BTG4: variants seen among roughly 807,000 people sequenced by gnomAD.
BTG4 encodes the protein protein BTG4.
In BTG4, 10 loss-of-function variants were observed where a neutral mutation model predicts 19.3. The observed-to-expected ratio is 0.52, with a 90% CI of 0.32 to 0.88. BTG4 has a LOEUF of 0.88. Ranked by LOEUF, BTG4 falls within the 40% of genes least tolerant of loss-of-function variation. The pLI, the probability that BTG4 is intolerant of heterozygous loss-of-function variation, is 0.04. For synonymous variants in BTG4, 91 were observed against 95.7 expected (o/e 0.95, Z 0.29); for missense variants, 238 against 281.9 (o/e 0.84, Z 1.11).
downstream of BTG4, among the ~76,000 whole-genome samples, chr11:111,493,004 G>T (rs1053563254): frequency 2.4e-4 from 36 of 152,064 alleles, 1 homozygote; most frequent in Admixed American, 7.2e-4. Context: ...AAATTACCCG[G>T]GCATGGGGGC....
At chr11:111,455,850 C>T in the BTG4 span, 17 of 455,730 alleles carry the variant, frequency 3.7e-5, no homozygotes, top group South Asian at 7.8e-5. Flanking sequence ...TTCTGGGCAC[C>T]GGCACTGGGG....
At chr11:111,456,703 A>C in the BTG4 span, 1 of 362,050 alleles carries the variant, frequency 2.8e-6, no homozygotes, top group Admixed American at 3.0e-5. The surrounding 1 kb of genome is among the most constrained non-coding windows in gnomAD (Gnocchi z 4.2). Context: ...TGATCTGCTG[A>C]GAGCTACCCT....
chr11:111,510,599 T>G (rs986092431), intron 1 of BTG4, among the ~76,000 whole-genome samples: 1 of 151,726 alleles, frequency 6.6e-6, no homozygotes, highest in Non-Finnish European at 1.5e-5. Context: ...CTCTAGTAAC[T>G]GCAGGCCAAA....
At chr11:111,440,995 G>A in the BTG4 span, among the ~76,000 whole-genome samples, 1 of 152,130 alleles carries the variant, frequency 6.6e-6, no homozygotes, top group East Asian at 1.9e-4. Flanking sequence ...GACCCATCTG[G>A]CCCAGACCAG....
At chr11:111,451,694 G>A in the BTG4 span, among the ~76,000 whole-genome samples, 2 of 152,128 alleles carry the variant, frequency 1.3e-5, no homozygotes, top group South Asian at 4.2e-4. Flanking sequence ...AACCCGGGAG[G>A]TGGAGATTGC....
intron 5 of BTG4, among the ~76,000 whole-genome samples, chr11:111,470,737 T>G (rs533531357): frequency 7.2e-5 from 11 of 152,172 alleles, no homozygotes; most frequent in African/African-American, 2.6e-4. Flanking sequence ...GGCAACACAG[T>G]GAGACCCCAT....
chr11:111,496,587 A>G (rs1297474589), intron 4 of BTG4: 2 of 152,192 alleles, frequency 1.3e-5, no homozygotes, highest in East Asian at 3.8e-4. Flanking sequence ...ATATATACAT[A>G]TAGTGTTAAC....
upstream of BTG4, chr11:111,514,461 A>C: frequency 8.8e-6 from 3 of 338,990 alleles, no homozygotes; most frequent in Admixed American, 4.3e-5. Flanking sequence ...TTATTTAGCT[A>C]TCTTTCTGGG....
chr11:111,499,422 T>C (rs1487965045), intron 1 of BTG4, among the ~76,000 whole-genome samples: 1 of 152,224 alleles, frequency 6.6e-6, no homozygotes, highest in African/African-American at 2.4e-5. Flanking sequence ...ATTGAAATGA[T>C]CATACAGCTT....
the BTG4 span, chr11:111,456,546 C>G: frequency 2.2e-6 from 1 of 456,544 alleles, no homozygotes. The surrounding 1 kb of genome is among the most constrained non-coding windows in gnomAD (Gnocchi z 4.2). Flanking sequence ...CTGATGACAT[C>G]AGTGTGAACC....
At chr11:111,455,912 C>G in the BTG4 span, 4 of 429,510 alleles carry the variant, frequency 9.3e-6, no homozygotes, top group East Asian at 2.9e-4. Flanking sequence ...CAGGGCCCCC[C>G]AGGAAACCTG....
the BTG4 span, among the ~76,000 whole-genome samples, chr11:111,422,270 G>A: frequency 6.6e-6 from 1 of 152,206 alleles, no homozygotes; most frequent in Admixed American, 6.5e-5. Flanking sequence ...AAATATTCAA[G>A]GCACAAAAAT....
chr11:111,477,842 A>G (rs1864486980), intron 5 of BTG4, among the ~76,000 whole-genome samples: 1 of 152,080 alleles, frequency 6.6e-6, no homozygotes, highest in Non-Finnish European at 1.5e-5. Context: ...AAATCCTATA[A>G]ACTAACAAAA....
At chr11:111,431,268 A>G in the BTG4 span, among the ~76,000 whole-genome samples, 1 of 152,302 alleles carries the variant, frequency 6.6e-6, no homozygotes, top group East Asian at 1.9e-4. Flanking sequence ...AGCCTAATAA[A>G]CATAATGATA....
chr11:111,415,695 C>G, the BTG4 span, among the ~76,000 whole-genome samples: 7 of 152,254 alleles, frequency 4.6e-5, no homozygotes, highest in African/African-American at 1.7e-4. Flanking sequence ...GCCCTGGAGG[C>G]TGGGCCTACG....
At chr11:111,384,190 C>A in the BTG4 span, among the ~76,000 whole-genome samples, 1 of 152,062 alleles carries the variant, frequency 6.6e-6, no homozygotes, top group African/African-American at 2.4e-5. Flanking sequence ...TTTTTCCCTT[C>A]CGATTCTTCC....
At chr11:111,471,029 T>A (rs183330951) in intron 5 of BTG4, among the ~76,000 whole-genome samples, 111 of 152,334 alleles carry the variant, frequency 7.3e-4, no homozygotes, top group African/African-American at 2.5e-3. Flanking sequence ...AATATCATCC[T>A]GCACTAAAGG....
chr11:111,468,121 G>A (rs1047750775), intron 5 of BTG4, among the ~76,000 whole-genome samples: 1 of 152,208 alleles, frequency 6.6e-6, no homozygotes, highest in Non-Finnish European at 1.5e-5. Flanking sequence ...ACTGCTCATC[G>A]ATACTGGAGG....
chr11:111,473,494 G>A (rs752446953), intron 5 of BTG4: 3 of 152,356 alleles, frequency 2.0e-5, no homozygotes, highest in Non-Finnish European at 4.4e-5. Context: ...TTATTATTGT[G>A]TTTGGACCAT....
Sources: gnomAD v4.1 joint callset for allele counts (sites outside exome capture counted in the v4.1 genomes callset) on GRCh38, gnomAD v4.1.1 for gene constraint, Gnocchi (gnomAD v3.1) non-coding constraint, MANE v1.5 for transcripts, NCBI Gene and HGNC (gene_info 2026-07-23, HGNC 2026-07-21) for gene names.